Variants in STAB1 observed in about 807,000 individuals in gnomAD.
The protein encoded by STAB1 is stabilin 1.
Under a neutral mutation model 332.4 loss-of-function variants are expected in STAB1, and 250 were observed. That is an observed-to-expected ratio of 0.75 (90% CI 0.68 to 0.84). The LOEUF (loss-of-function observed/expected upper bound fraction) is 0.84. Among genes scored for constraint, STAB1 ranks in the 40% least tolerant of loss-of-function variants. STAB1 has a pLI of 0.00. For missense variants in STAB1, 3,249 were observed against 3,489.7 expected, an observed-to-expected ratio of 0.93 and a Z score of 1.74; for synonymous variants, 1,475 against 1,390.4, an observed-to-expected ratio of 1.06 and a Z score of -1.35.
At chr3:52,502,422 C>G (rs901542160) in intron 5 of STAB1, among the ~76,000 whole-genome samples, 194 bp downstream of exon 5, 1 of 152,224 alleles carries the variant, frequency 6.6e-6, no homozygotes, top group African/African-American at 2.4e-5. Context: ...CCCTGAGAGG[C>G]CTTCTCCAGG....
At chr3:52,495,548 G>C in intron 1 of STAB1, 57 bp downstream of exon 1, 1 of 1,263,818 alleles carries the variant, frequency 7.9e-7, no homozygotes, top group Non-Finnish European at 1.0e-6. Flanking sequence ...GGCCAGCGGT[G>C]GGAACAGGGA....
rs2079173478 is a variant in STAB1 at position 52,523,926 on chromosome 3, T to C, written c.7451T>C (p.Leu2484Pro). ...PPVAAGVGAV[L>P]AAGALLGLVA... Reference sequence around the variant, plus strand: ...GTGGCGGCAGGCGTGGGGGCTGTGCTTGCCGCTGGAGCACTGCTTGGCTTG... The same window carrying C: ...GTGGCGGCAGGCGTGGGGGCTGTGCCTGCCGCTGGAGCACTGCTTGGCTTG... The change falls in exon 67 of 69, where the codon CTT (leucine) becomes CCT (proline). Residue 2484 changes from leucine (L) to proline (P), a missense_variant. Transcript: ENST00000321725. 1.2e-6 allele frequency: 2 copies of C among 1,609,808 alleles called. No homozygotes were observed.
At chr3:52,498,549 A>G (rs1222854914) in intron 1 of STAB1, among the ~76,000 whole-genome samples, 6 of 152,218 alleles carry the variant, frequency 3.9e-5, no homozygotes, top group Non-Finnish European at 8.8e-5. Context: ...GTGAGTGTCC[A>G]CACCAGGCCC....
At chr3:52,509,836 T>A in intron 22 of STAB1, 34 bp from the exon 23 acceptor site, 1 of 1,611,340 alleles carries the variant, frequency 6.2e-7, no homozygotes, top group Non-Finnish European at 8.5e-7. Context: ...GCCTCCTGCT[T>A]CTCAGTTTCC....
chr3:52,521,909 G>A lies in STAB1; in HGVS notation c.6229G>A (p.Glu2077Lys), dbSNP rs202105621. 1.4e-5 allele frequency: 23 copies of A among 1,609,432 alleles called. No homozygotes were observed. Among genetic ancestry groups the A allele is most frequent in the Non-Finnish European group, 1.8e-5 (21 of 1,177,124 alleles). The change falls in exon 58 of 69, where the codon GAG (glutamate) becomes AAG (lysine). Residue 2077 changes from glutamate to lysine, a missense_variant. Physicochemically the swap from Glu to Lys is moderately conservative, Grantham distance 56. Coordinates refer to ENST00000321725, the MANE Select transcript of STAB1 (RefSeq NM_015136.3). ...EAVCRAGNSC[E>K]CSLGYEGDGR... ...TGTGTGCCGTGCAGGCAACAGCTGT[G>A]AGTGCAGCCTGGGCTATGAAGGGGA...
rs776227079 is a variant in STAB1 at position 52,523,634 on chromosome 3, ACT to A, written c.7291-15_7291-14del. On this transcript the variant is annotated splice_polypyrimidine_tract_variant and intron_variant, in intron 65 of 68. Transcript: ENST00000321725. ...CTGGCCCTCGCTCACAGTGGGCCTG[ACT>A]CTGGTCTCCCTGCAGGCCCCAGGGA... 2.5e-6 allele frequency: 4 copies of A among 1,612,534 alleles called. No homozygotes were observed. In the Admixed American group the frequency reaches 6.7e-5, roughly 27 times the overall value.
At position 52,513,864 on chromosome 3, in the gene STAB1, G is replaced by A. The variant is rs886562735; in HGVS notation, c.3349-19G>A. The A allele has an allele frequency of 6.2e-7, 1 of 1,611,558 alleles. No homozygotes were observed. Among genetic ancestry groups the A allele is most frequent in the African/African-American group, 1.3e-5 (1 of 75,044 alleles). ...CGTGAAGCAATGACATACTGACCAG[G>A]CCCTGTGCTCTGTACCAGGTCTTAC... On this transcript the variant is annotated intron_variant, in intron 31 of 68. Transcript: ENST00000321725.
At chr3:52,502,379 T>C (rs1316109914) in intron 5 of STAB1, 151 bp downstream of exon 5, 3 of 958,212 alleles carry the variant, frequency 3.1e-6, no homozygotes, top group African/African-American at 1.6e-5. Context: ...TGCTTTGTTT[T>C]ATCACACCTC....
chr3:52,500,675 C>G (rs1254590522), intron 1 of STAB1, among the ~76,000 whole-genome samples: 2 of 152,232 alleles, frequency 1.3e-5, no homozygotes, highest in Admixed American at 6.5e-5. Flanking sequence ...ACAGCATCAG[C>G]TCTGTCATTT....
In STAB1 at chr3:52,524,251, T is replaced by G. The variant is rs2079192783; in HGVS notation, c.7656+38T>G. ...GTGAAGAAGTGTGGCAGATGTGGGA[T>G]GGGCCCAGGCCCTGGTCACACCCTC... On this transcript the variant is annotated intron_variant, in intron 68 of 68. Transcript: ENST00000321725. 5.6e-6 allele frequency: 9 copies of G among 1,613,832 alleles called. No homozygotes were observed. The Admixed American group carries it at 1.2e-4, about 21-fold the overall frequency.
chr3:52,524,093 C>T lies in STAB1; in HGVS notation c.7543-7C>T. The T allele has an allele frequency of 6.2e-7, 1 of 1,613,368 alleles. No individual in the cohort carries two copies. On this transcript the variant is annotated splice_region_variant and splice_polypyrimidine_tract_variant and intron_variant, in intron 67 of 68. Coordinates refer to ENST00000321725, the MANE Select transcript of STAB1 (RefSeq NM_015136.3). Reference sequence around the variant, plus strand: ...CGCCTCGCCACTCACCCCTCTGCTGCTCCCAGGCGGAAGATGATGCTGATG... The same window carrying T: ...CGCCTCGCCACTCACCCCTCTGCTGTTCCCAGGCGGAAGATGATGCTGATG...
In STAB1 at chr3:52,518,586, C is replaced by A; in HGVS notation, c.4860C>A (p.His1620Gln). ...GGCCTTTCACCATCTTCGTGCCGCA[C>A]GCAGATCTAATGAGCAACCTGTCGC... ...GDGPFTIFVP[H>Q]ADLMSNLSQD... Residue 1620 changes from histidine to glutamine, a missense_variant, in exon 47 of 69, where the codon CAC becomes CAA. Physicochemically the swap from His to Gln is conservative, Grantham distance 24. Transcript: ENST00000321725. 6.2e-7 allele frequency: 1 copy of A among 1,603,320 alleles called. No individual in the cohort carries two copies.
intron 2 of STAB1, 134 bp downstream of exon 2, chr3:52,501,436 T>C (rs2153232900): frequency 1.4e-6 from 2 of 1,400,236 alleles, no homozygotes; most frequent in Non-Finnish European, 2.0e-6. Flanking sequence ...ACCTGGGTGG[T>C]GGAGATAGGC....
intron 20 of STAB1, 35 bp from the exon 21 acceptor site, chr3:52,508,238 C>T: frequency 6.3e-7 from 1 of 1,586,304 alleles, no homozygotes; most frequent in Non-Finnish European, 8.6e-7. Context: ...GGCATGGACC[C>T]AGATGGCCTC....
At chr3:52,514,038 C>T (rs895327400) in intron 32 of STAB1, 57 bp downstream of exon 32, 1 of 1,596,398 alleles carries the variant, frequency 6.3e-7, no homozygotes, top group Non-Finnish European at 8.6e-7. Flanking sequence ...TGCCCCAGGT[C>T]CAGAGGGACC....
chr3:52,523,906 G>C lies in STAB1; in HGVS notation c.7431G>C (p.Ala2477=). The change falls in exon 67 of 69, where the codon GCG becomes GCC. Residue 2477 remains alanine, a synonymous_variant. Coordinates refer to ENST00000321725, the MANE Select transcript of STAB1 (RefSeq NM_015136.3). The stretch of plus-strand genomic sequence containing the variant: ...TGGCGCCTGAAGCCCCACCTGTGGC[G>C]GCAGGCGTGGGGGCTGTGCTTGCCG... ...AVLAPEAPPV[A]AGVGAVLAAG... is the part of the protein sequence containing the mutation. 6.2e-7 allele frequency: 1 copy of C among 1,607,042 alleles called. No homozygotes were observed.
At chr3:52,504,313 C>G (rs1199156215) in intron 10 of STAB1, 148 bp from the exon 11 acceptor site, 3 of 1,382,462 alleles carry the variant, frequency 2.2e-6, no homozygotes, top group Non-Finnish European at 3.0e-6. Context: ...GGGAGCTGCT[C>G]TCCAACCTCA....
Position 52,517,999 on chromosome 3 carries a change from G to T in STAB1, c.4757G>T (p.Gly1586Val). The T allele has an allele frequency of 6.2e-7, 1 of 1,602,716 alleles. No homozygotes were observed. ...GDGLTCRARVGLELLRDKHAS... is the reference protein window; with the variant it reads ...GDGLTCRARVVLELLRDKHAS... ...GGCCTCACCTGCCGTGCCCGAGTCG[G>T]CCTGGTAATGATGCCCAAGTCAGAC... is the stretch of plus-strand genomic sequence containing the variant. The change falls in exon 45 of 69, where the codon GGC (glycine) becomes GTC (valine). Residue 1586 changes from glycine to valine, a missense_variant. By Grantham distance (109) the Gly-to-Val change is moderately radical. Coordinates refer to ENST00000321725, the MANE Select transcript of STAB1 (RefSeq NM_015136.3).
intron 7 of STAB1, 83 bp from the exon 8 acceptor site, chr3:52,503,261 C>T (rs1708584963): frequency 1.3e-6 from 2 of 1,523,144 alleles, no homozygotes; most frequent in East Asian, 2.4e-5. Flanking sequence ...AACCTGCTGG[C>T]CCCGGCCTTC....
Sources: gnomAD v4.1 joint callset for allele counts (sites outside exome capture counted in the v4.1 genomes callset) on GRCh38, gnomAD v4.1.1 for gene constraint, MANE v1.5 for transcripts, NCBI Gene and HGNC (gene_info 2026-07-23, HGNC 2026-07-21) for gene names.